Variants in TBC1D22A observed in about 807,000 individuals in gnomAD.
TBC1D22A encodes the protein putative GTPase activator.
In TBC1D22A, 38 loss-of-function variants were observed where a neutral mutation model predicts 60.2. That is an observed-to-expected ratio of 0.63 (90% CI 0.49 to 0.83). The LOEUF is 0.83. TBC1D22A is among the 40% of genes least tolerant of loss of function. The pLI, the probability that TBC1D22A is intolerant of heterozygous loss-of-function variation, is 0.00. For missense variants in TBC1D22A, 628 were observed against 701.0 expected, an observed-to-expected ratio of 0.90 and a Z score of 1.18; for synonymous variants, 302 against 281.7, an observed-to-expected ratio of 1.07 and a Z score of -0.72.
chr22:46,882,431 T>C (rs1390982179), intron 5 of TBC1D22A, among the ~76,000 whole-genome samples: 4 of 152,098 alleles, frequency 2.6e-5, no homozygotes, highest in Non-Finnish European at 4.4e-5. Context: ...AGACGGCTGC[T>C]CTAAGACACT....
At chr22:46,786,354 G>C (rs1234223454) in intron 1 of TBC1D22A, among the ~76,000 whole-genome samples, 1 of 152,102 alleles carries the variant, frequency 6.6e-6, no homozygotes, top group Admixed American at 6.5e-5. Context: ...GCATTTCTTG[G>C]ATAAATTCCA....
intron 9 of TBC1D22A, among the ~76,000 whole-genome samples, chr22:46,991,261 G>A (rs890795498): frequency 6.6e-5 from 10 of 152,160 alleles, no homozygotes; most frequent in Non-Finnish European, 1.2e-4. Flanking sequence ...TGCTCTGAGG[G>A]TGCTTTCTGA....
intron 1 of TBC1D22A, among the ~76,000 whole-genome samples, chr22:46,766,495 A>G (rs978959113): frequency 2.6e-5 from 4 of 152,086 alleles, no homozygotes; most frequent in African/African-American, 9.7e-5. Context: ...GACTACACCC[A>G]CTGTACAATA....
chr22:46,762,905 G>A lies in TBC1D22A; in HGVS notation c.62+57G>A. 4.9e-6 allele frequency: 7 copies of A among 1,440,874 alleles called. No homozygotes were observed. In the South Asian group the frequency reaches 9.9e-5, roughly 20 times the overall value. The allele number at this position is 1,440,874 out of a possible 1,614,324, so 89.3% of individuals were successfully genotyped here. The stretch of plus-strand genomic sequence containing the variant: ...CAGGGGTCAGAGGTCAGGTGGCCGC[G>A]TTGGCCTCCTGGGCTGCGGGTGGAG... On this transcript the variant is annotated intron_variant, in intron 1 of 12. Transcript: ENST00000337137.
chr22:46,853,764 G>A (rs2087415981), intron 4 of TBC1D22A, among the ~76,000 whole-genome samples: 2 of 152,170 alleles, frequency 1.3e-5, no homozygotes, highest in South Asian at 4.1e-4. Flanking sequence ...TACTTACTGA[G>A]CACTCACTCG....
At chr22:46,795,967 G>T (rs1182439025) in intron 3 of TBC1D22A, among the ~76,000 whole-genome samples, 1 of 152,188 alleles carries the variant, frequency 6.6e-6, no homozygotes, top group African/African-American at 2.4e-5. Flanking sequence ...TGTCACCCAT[G>T]GTCCTCCCCT....
At chr22:46,773,018 T>C (rs2083556004) in intron 1 of TBC1D22A, among the ~76,000 whole-genome samples, 1 of 152,208 alleles carries the variant, frequency 6.6e-6, no homozygotes, top group African/African-American at 2.4e-5. Context: ...ACGGCCACAG[T>C]GTAGCACGGC....
At chr22:46,861,677 G>C (rs934004999) in intron 4 of TBC1D22A, among the ~76,000 whole-genome samples, 5 of 152,242 alleles carry the variant, frequency 3.3e-5, no homozygotes, top group Non-Finnish European at 5.9e-5. Context: ...GAGGGCGGCT[G>C]TTGCCCTCAC....
chr22:47,164,496 T>A (rs1383504842), intron 12 of TBC1D22A, among the ~76,000 whole-genome samples: 1 of 152,218 alleles, frequency 6.6e-6, no homozygotes, highest in African/African-American at 2.4e-5. Context: ...GGACGGCCTG[T>A]GCCTTGGCAT....
intron 12 of TBC1D22A, among the ~76,000 whole-genome samples, chr22:47,165,279 T>C (rs1400944708): frequency 6.6e-6 from 1 of 152,106 alleles, no homozygotes; most frequent in Non-Finnish European, 1.5e-5. Context: ...TCAGCCCTCA[T>C]GGCACCTGCG....
chr22:47,161,711 A>G (rs2067990513), intron 12 of TBC1D22A, among the ~76,000 whole-genome samples: 1 of 152,190 alleles, frequency 6.6e-6, no homozygotes, highest in African/African-American at 2.4e-5. Flanking sequence ...CAGCGCCTGG[A>G]CCCTGTGTGC....
At chr22:46,996,402 C>T (rs2075123689) in intron 9 of TBC1D22A, among the ~76,000 whole-genome samples, 1 of 152,260 alleles carries the variant, frequency 6.6e-6, no homozygotes, top group Non-Finnish European at 1.5e-5. Context: ...AAGCGTAGGC[C>T]AGAACCCACA....
At chr22:47,056,136 A>G (rs1018433282) in intron 11 of TBC1D22A, among the ~76,000 whole-genome samples, 10 of 152,048 alleles carry the variant, frequency 6.6e-5, no homozygotes, top group Non-Finnish European at 1.0e-4. Context: ...CGGTGGCCCA[A>G]AAAAGTCTCT....
At chr22:47,066,763 C>G (rs1450452183) in intron 11 of TBC1D22A, among the ~76,000 whole-genome samples, 3 of 152,210 alleles carry the variant, frequency 2.0e-5, no homozygotes, top group African/African-American at 7.2e-5. Flanking sequence ...CCCCCATGAA[C>G]TTTGCTCGAC....
At chr22:47,022,382 G>A (rs1394432635) in intron 10 of TBC1D22A, among the ~76,000 whole-genome samples, 1 of 152,192 alleles carries the variant, frequency 6.6e-6, no homozygotes, top group African/African-American at 2.4e-5. Flanking sequence ...GCATTGCCTG[G>A]AGAGAGTCTC....
intron 11 of TBC1D22A, among the ~76,000 whole-genome samples, chr22:47,097,610 CA>C (rs376444943): frequency 7.8e-5 from 11 of 140,202 alleles, no homozygotes; most frequent in East Asian, 4.2e-4. Flanking sequence ...GAGTCCATCT[CA>C]AAAAAAAAAG....
chr22:47,125,063 G>A (rs1362308797), intron 12 of TBC1D22A, among the ~76,000 whole-genome samples: 2 of 152,104 alleles, frequency 1.3e-5, no homozygotes, highest in Non-Finnish European at 2.9e-5. Context: ...GGGACCAGGT[G>A]TGGCCAGCAC....
chr22:46,771,016 C>T (rs2083462841), intron 1 of TBC1D22A, among the ~76,000 whole-genome samples: 1 of 152,140 alleles, frequency 6.6e-6, no homozygotes, highest in Non-Finnish European at 1.5e-5. Flanking sequence ...TTCCTTTCAG[C>T]GGTTACTTTC....
intron 4 of TBC1D22A, among the ~76,000 whole-genome samples, chr22:46,826,162 T>C (rs1371731344): frequency 6.6e-6 from 1 of 152,226 alleles, no homozygotes; most frequent in Non-Finnish European, 1.5e-5. Context: ...ATTATAGGCG[T>C]GAGCCACCAC....
Sources: allele counts gnomAD v4.1 joint callset (sites outside exome capture counted in the v4.1 genomes callset), GRCh38; gene constraint gnomAD v4.1.1; transcripts MANE v1.5; gene names NCBI Gene and HGNC (gene_info 2026-07-23, HGNC 2026-07-21).